The following SLC35G5 variants were observed in gnomAD, a reference collection of about 807,000 sequenced individuals.
SLC35G5 encodes acyl-malonyl condensing enzyme 1-like 2.
In SLC35G5, 14 loss-of-function variants were observed where a neutral mutation model predicts 17.6. The ratio of observed to expected loss-of-function variants is 0.79; its 90% confidence interval spans 0.52 to 1.24. The LOEUF (loss-of-function observed/expected upper bound fraction) is 1.24. Ranked by LOEUF, SLC35G5 falls within the 50% of genes most tolerant of loss-of-function variation. The pLI, the probability that SLC35G5 is intolerant of heterozygous loss-of-function variation, is 0.00. For synonymous variants in SLC35G5, 236 were observed against 194.9 expected (o/e 1.21, Z -1.76); for missense variants, 541 against 430.3 (o/e 1.26, Z -2.28).
At position 11,331,613 on chromosome 8, in the gene SLC35G5, AATC is replaced by A. The variant is rs1405682056; in HGVS notation, c.513_515del (p.Ile172del). On this transcript the variant is annotated inframe_deletion, in exon 1 of 1. Transcript: ENST00000382435. ...GACTGTTGGGCAGCATCCTAGGACT[AATC>A]ATCATTCTGGGACCTGGACTCTGGA... 9.9e-6 allele frequency: 16 copies of A among 1,613,024 alleles called. No homozygotes were observed. Among genetic ancestry groups the A allele is most frequent in the Middle Eastern group, 3.5e-4 (2 of 5,650 alleles).
chr8:11,331,015 C>G lies in SLC35G5; in HGVS notation c.-92C>G. On this transcript the variant is annotated 5_prime_UTR_variant, in exon 1 of 1. Transcript: ENST00000382435. ...ACCTCAGGAGAGTTCCAGGGAAGAA[C>G]CCCACCCGCACTCCAATGAGGTCAC... is the stretch of plus-strand genomic sequence containing the variant. The G allele has an allele frequency of 2.0e-6, 3 of 1,502,582 alleles. No individual in the cohort carries two copies. The highest frequency in any genetic ancestry group is 2.7e-6 in the Non-Finnish European group (3 of 1,129,554). The allele number at this position is 1,502,582 out of a possible 1,614,324, so 93.1% of individuals were successfully genotyped here.
chr8:11,332,197 T>TA lies in SLC35G5; in HGVS notation c.*78dup. ...ACAAAGACTGAAGACAAAAAAAAAA[T>TA]AAAAGAAAAAAAATAATTATAATAA... On this transcript the variant is annotated 3_prime_UTR_variant, in exon 1 of 1. Coordinates refer to ENST00000382435, the MANE Select transcript of SLC35G5 (RefSeq NM_054028.2). 1.3e-6 allele frequency: 2 copies of TA among 1,512,360 alleles called. No homozygotes were observed. The highest frequency in any genetic ancestry group is 1.8e-6 in the Non-Finnish European group (2 of 1,135,828). 93.7% of individuals were successfully genotyped at this position (1,512,360 alleles called of 1,614,324 possible). A position where few individuals can be genotyped will look rare whatever the true frequency, so the allele number is the denominator to read the frequency against.
rs369303318 is a variant in SLC35G5 at position 11,331,187 on chromosome 8, G to T, written c.81G>T (p.Trp27Cys). ...SPPSAPPSLR[W>C]HQRCQPSGAT... The stretch of plus-strand genomic sequence containing the variant: ...CCTCCGCTCCACCCAGCCTCCGCTG[G>T]CACCAGCGCTGCCAGCCCTCTGGTG... Residue 27 changes from tryptophan to cysteine, a missense_variant, in exon 1 of 1, where the codon TGG (tryptophan) becomes TGT (cysteine). Coordinates refer to ENST00000382435, the MANE Select transcript of SLC35G5 (RefSeq NM_054028.2). 11 of 1,613,646 alleles carry T rather than the reference G, an allele frequency of 6.8e-6. No homozygotes were observed. In the African/African-American group the frequency reaches 1.3e-4, roughly 20 times the overall value.
Position 11,332,132 on chromosome 8 carries a change from T to C in SLC35G5, c.*9T>C, listed in dbSNP as rs764532913. On this transcript the variant is annotated 3_prime_UTR_variant, in exon 1 of 1. Transcript: ENST00000382435. Reference sequence around the variant, plus strand: ...GGAAGGTGGAGGAGTGAGATAGAACTTGGGAGCCCGGGGGTTGGGAGGGAC... The same window carrying C: ...GGAAGGTGGAGGAGTGAGATAGAACCTGGGAGCCCGGGGGTTGGGAGGGAC... 33 of 1,611,034 alleles carry C rather than the reference T, an allele frequency of 2.0e-5. No individual in the cohort carries two copies. The highest frequency in any genetic ancestry group is 1.1e-4 in the African/African-American group (8 of 74,506).
chr8:11,331,561 A>C lies in SLC35G5; in HGVS notation c.455A>C (p.Gln152Pro). The C allele has an allele frequency of 1.9e-6, 3 of 1,612,132 alleles. No homozygotes were observed. Among genetic ancestry groups the C allele is most frequent in the Non-Finnish European group, 2.5e-6 (3 of 1,179,388 alleles). Reference sequence around the variant, plus strand: ...GTCCTCACCCTCTGCCTTGAGAGCCAGGGTCTCGGTGGCTACGAGTGGTGT... The same window carrying C: ...GTCCTCACCCTCTGCCTTGAGAGCCCGGGTCTCGGTGGCTACGAGTGGTGT... ...SAVLTLCLES[Q>P]GLGGYEWCGL... Residue 152 changes from glutamine (Q) to proline (P), a missense_variant, in exon 1 of 1, where the codon CAG becomes CCG. Coordinates refer to ENST00000382435, the MANE Select transcript of SLC35G5 (RefSeq NM_054028.2).
Position 11,332,168 on chromosome 8 carries a change from A to G in SLC35G5, c.*45A>G. ...GGGGTTGGGAGGGACAGGGATAAAT[A>G]AAGACAAAGACTGAAGACAAAAAAA... is the stretch of plus-strand genomic sequence containing the variant. On this transcript the variant is annotated 3_prime_UTR_variant, in exon 1 of 1. Transcript: ENST00000382435. 6.3e-7 allele frequency: 1 copy of G among 1,598,970 alleles called. No homozygotes were observed. The highest frequency in any genetic ancestry group is 8.5e-7 in the Non-Finnish European group (1 of 1,176,416).
In SLC35G5 at chr8:11,331,558, G is replaced by C. The variant is rs1271973508; in HGVS notation, c.452G>C (p.Ser151Thr). The change falls in exon 1 of 1, where the codon AGC becomes ACC. Residue 151 changes from serine (S) to threonine (T), a missense_variant. Physicochemically the swap from Ser to Thr is moderately conservative, Grantham distance 58. Coordinates refer to ENST00000382435, the MANE Select transcript of SLC35G5 (RefSeq NM_054028.2). ...CSAVLTLCLESQGLGGYEWCG... is the reference protein window; with the variant it reads ...CSAVLTLCLETQGLGGYEWCG... Reference sequence around the variant, plus strand: ...GCTGTCCTCACCCTCTGCCTTGAGAGCCAGGGTCTCGGTGGCTACGAGTGG... The same window carrying C: ...GCTGTCCTCACCCTCTGCCTTGAGACCCAGGGTCTCGGTGGCTACGAGTGG... The C allele has an allele frequency of 6.2e-7, 1 of 1,613,884 alleles. No individual in the cohort carries two copies. The highest frequency in any genetic ancestry group is 1.1e-5 in the South Asian group (1 of 91,054).
Position 11,332,092 on chromosome 8 carries a change from G to A in SLC35G5, c.986G>A (p.Ser329Asn), listed in dbSNP as rs763424704. The change falls in exon 1 of 1, where the codon AGC becomes AAC. Residue 329 changes from serine to asparagine, a missense_variant. Physicochemically the swap from Ser to Asn is conservative, Grantham distance 46. Coordinates refer to ENST00000382435, the MANE Select transcript of SLC35G5 (RefSeq NM_054028.2). ...GCCATCATTACAGCCCGGAACCTCA[G>A]CTGTGAGAGGACAGGGAAGGTGGAG... ...SIAIITARNL[S>N]CERTGKVEE 7 of 1,611,774 alleles carry A rather than the reference G, an allele frequency of 4.3e-6. No individual in the cohort carries two copies. The highest frequency in any genetic ancestry group is 5.9e-6 in the Non-Finnish European group (7 of 1,179,842).
chr8:11,331,951 TGTGCGC>T lies in SLC35G5; in HGVS notation c.846_851del (p.Cys283_Ala284del). 19 of 1,611,986 alleles carry T rather than the reference TGTGCGC, an allele frequency of 1.2e-5. No homozygotes were observed. The highest frequency in any genetic ancestry group is 1.5e-5 in the Non-Finnish European group (18 of 1,179,834). Reference sequence around the variant, plus strand: ...GTCACCAAGGCCCACCCTGCCCTGGTGTGCGCTGTCCTGCATTCCGAGGTGGTTGTG... The same window carrying T: ...GTCACCAAGGCCCACCCTGCCCTGGTTGTCCTGCATTCCGAGGTGGTTGTG... On this transcript the variant is annotated inframe_deletion, in exon 1 of 1. Coordinates refer to ENST00000382435, the MANE Select transcript of SLC35G5 (RefSeq NM_054028.2).
In SLC35G5 at chr8:11,331,146, A is replaced by G; in HGVS notation, c.40A>G (p.Thr14Ala). ...CCCCTACTTCAACCTGCCTGACTCC[A>G]CACACCCATCGCCGCCCTCCGCTCC... ...SHPYFNLPDS[T>A]HPSPPSAPPS... The change falls in exon 1 of 1, where the codon ACA becomes GCA. Residue 14 changes from threonine (T) to alanine (A), a missense_variant. Coordinates refer to ENST00000382435, the MANE Select transcript of SLC35G5 (RefSeq NM_054028.2). 1 of 1,610,678 alleles carries G rather than the reference A, an allele frequency of 6.2e-7. No individual in the cohort carries two copies. The highest frequency in any genetic ancestry group is 8.5e-7 in the Non-Finnish European group (1 of 1,178,238).
chr8:11,331,718 C>T lies in SLC35G5; in HGVS notation c.612C>T (p.Ser204=). 6.2e-7 allele frequency: 1 copy of T among 1,611,976 alleles called. No homozygotes were observed. The highest frequency in any genetic ancestry group is 8.5e-7 in the Non-Finnish European group (1 of 1,179,836). Residue 204 remains serine (S), a synonymous_variant, in exon 1 of 1, where the codon TCC becomes TCT. Coordinates refer to ENST00000382435, the MANE Select transcript of SLC35G5 (RefSeq NM_054028.2). ...CTTTCCTGGGAGGCCTGGCGCTGTC[C>T]CTGGGGCTTCTGGTCTATCGTTCTC... is the stretch of plus-strand genomic sequence containing the variant. ...VQAFLGGLAL[S]LGLLVYRSLH...
rs2117501963 is a variant in SLC35G5 at position 11,331,931 on chromosome 8, C to G, written c.825C>G (p.Thr275=). 1.9e-6 allele frequency: 3 copies of G among 1,612,024 alleles called. No homozygotes were observed. Among genetic ancestry groups the G allele is most frequent in the East Asian group, 4.5e-5 (2 of 44,882 alleles). Residue 275 remains threonine, a synonymous_variant, in exon 1 of 1, where the codon ACC becomes ACG. Coordinates refer to ENST00000382435, the MANE Select transcript of SLC35G5 (RefSeq NM_054028.2). The part of the protein sequence containing the change: ...VSFTCVGYAV[T]KAHPALVCAV... ...TCACATGTGTGGGCTATGCGGTCACCAAGGCCCACCCTGCCCTGGTGTGCG... is the reference window on the plus strand; with the variant it reads ...TCACATGTGTGGGCTATGCGGTCACGAAGGCCCACCCTGCCCTGGTGTGCG...
At position 11,331,346 on chromosome 8, in the gene SLC35G5, C is replaced by T; in HGVS notation, c.240C>T (p.His80=). The T allele has an allele frequency of 1.9e-6, 3 of 1,614,008 alleles. No homozygotes were observed. The highest frequency in any genetic ancestry group is 2.2e-5 in the South Asian group (2 of 91,080). The change falls in exon 1 of 1, where the codon CAC becomes CAT. Residue 80 remains histidine (H), a synonymous_variant. Transcript: ENST00000382435. ...TGCTCATCTGTCGATGCCTCTTCCACCTCCCTATTGCCCTGCTACTTAAAC... is the reference window on the plus strand; with the variant it reads ...TGCTCATCTGTCGATGCCTCTTCCATCTCCCTATTGCCCTGCTACTTAAAC... ...LELLICRCLF[H]LPIALLLKLR... is the part of the protein sequence containing the mutation.
In SLC35G5 at chr8:11,332,120, G is replaced by A. The variant is rs146615673; in HGVS notation, c.1014G>A (p.Glu338=). ...GTGAGAGGACAGGGAAGGTGGAGGA[G>A]TGAGATAGAACTTGGGAGCCCGGGG... is the stretch of plus-strand genomic sequence containing the variant. The part of the protein sequence containing the change: ...LSCERTGKVE[E] The change falls in exon 1 of 1, where the codon GAG becomes GAA. Residue 338 remains glutamate (E), a synonymous_variant. Coordinates refer to ENST00000382435, the MANE Select transcript of SLC35G5 (RefSeq NM_054028.2). 13 of 1,610,638 alleles carry A rather than the reference G, an allele frequency of 8.1e-6. No homozygotes were observed. Among genetic ancestry groups the A allele is most frequent in the Admixed American group, 1.7e-5 (1 of 59,968 alleles).
In SLC35G5 at chr8:11,332,299, CA is replaced by C; in HGVS notation, c.*179del. The C allele has an allele frequency of 9.1e-7, 1 of 1,093,080 alleles. No individual in the cohort carries two copies. Among genetic ancestry groups the C allele is most frequent in the Non-Finnish European group, 1.2e-6 (1 of 811,078 alleles). The allele number at this position is 1,093,080 out of a possible 1,614,324, so 67.7% of individuals were successfully genotyped here. On this transcript the variant is annotated 3_prime_UTR_variant, in exon 1 of 1. Coordinates refer to ENST00000382435, the MANE Select transcript of SLC35G5 (RefSeq NM_054028.2). ...ATGTTCAGTTATAATAAAAATATCA[CA>C]AAGCATGCAAACAAATGAGAAATCT... is the stretch of plus-strand genomic sequence containing the variant.
rs374917829 is a variant in SLC35G5 at position 11,331,425 on chromosome 8, T to C, written c.319T>C (p.Cys107Arg). ...PPDIRGWACF[C>R]ALLNVLSIGC... is the part of the protein sequence containing the mutation. ...TGACATCCGAGGCTGGGCCTGCTTC[T>C]GTGCCCTGCTCAACGTCCTCAGCAT... Residue 107 changes from cysteine (C) to arginine (R), a missense_variant, in exon 1 of 1, where the codon TGT becomes CGT. Transcript: ENST00000382435. 8.3e-5 allele frequency: 134 copies of C among 1,613,868 alleles called. No individual in the cohort carries two copies. The highest frequency in any genetic ancestry group is 1.6e-4 in the Middle Eastern group (1 of 6,078).
Position 11,331,147 on chromosome 8 carries a change from C to G in SLC35G5, c.41C>G (p.Thr14Arg). Residue 14 changes from threonine to arginine, a missense_variant, in exon 1 of 1, where the codon ACA (threonine) becomes AGA (arginine). By Grantham distance (71) the Thr-to-Arg change is moderately conservative. Coordinates refer to ENST00000382435, the MANE Select transcript of SLC35G5 (RefSeq NM_054028.2). ...SHPYFNLPDS[T>R]HPSPPSAPPS... is the part of the protein sequence containing the mutation. ...CCCTACTTCAACCTGCCTGACTCCA[C>G]ACACCCATCGCCGCCCTCCGCTCCA... 3.1e-6 allele frequency: 5 copies of G among 1,610,668 alleles called. No homozygotes were observed. The highest frequency in any genetic ancestry group is 1.1e-5 in the South Asian group (1 of 90,648).
In SLC35G5 at chr8:11,331,205, C is replaced by T. The variant is rs765551291; in HGVS notation, c.99C>T (p.Pro33=). 1.2e-6 allele frequency: 2 copies of T among 1,613,894 alleles called. No individual in the cohort carries two copies. The highest frequency in any genetic ancestry group is 1.7e-6 in the Non-Finnish European group (2 of 1,180,022). Reference sequence around the variant, plus strand: ...TCCGCTGGCACCAGCGCTGCCAGCCCTCTGGTGCCACCAATGGCCTGCTGG... The same window carrying T: ...TCCGCTGGCACCAGCGCTGCCAGCCTTCTGGTGCCACCAATGGCCTGCTGG... ...PSLRWHQRCQ[P]SGATNGLLVA... Residue 33 remains proline, a synonymous_variant, in exon 1 of 1, where the codon CCC becomes CCT. Transcript: ENST00000382435.
In SLC35G5 at chr8:11,331,925, G is replaced by C; in HGVS notation, c.819G>C (p.Ala273=). The change falls in exon 1 of 1, where the codon GCG becomes GCC. Residue 273 remains alanine (A), a synonymous_variant. Coordinates refer to ENST00000382435, the MANE Select transcript of SLC35G5 (RefSeq NM_054028.2). Reference sequence around the variant, plus strand: ...TCTCCTTCACATGTGTGGGCTATGCGGTCACCAAGGCCCACCCTGCCCTGG... The same window carrying C: ...TCTCCTTCACATGTGTGGGCTATGCCGTCACCAAGGCCCACCCTGCCCTGG... ...ALVSFTCVGY[A]VTKAHPALVC... is the part of the protein sequence containing the mutation. 1.9e-6 allele frequency: 3 copies of C among 1,611,982 alleles called. No individual in the cohort carries two copies. The highest frequency in any genetic ancestry group is 1.1e-5 in the South Asian group (1 of 90,982).
Sources: gnomAD v4.1 joint callset for allele counts on GRCh38, gnomAD v4.1.1 for gene constraint, MANE v1.5 for transcripts, NCBI Gene and HGNC (gene_info 2026-07-23, HGNC 2026-07-21) for gene names.